SKAP2: variants seen among roughly 807,000 people sequenced by gnomAD.
SKAP2 encodes the protein src kinase-associated phosphoprotein 2.
SKAP2 carries 28 observed loss-of-function variants against 54.9 expected under a neutral mutation model. That is an observed-to-expected ratio of 0.51 (90% CI 0.38 to 0.70). The LOEUF (loss-of-function observed/expected upper bound fraction) is 0.70. SKAP2 is among the 30% of genes least tolerant of loss of function. The pLI is 0.00. For missense variants in SKAP2, 356 were observed against 424.1 expected, an observed-to-expected ratio of 0.84 and a Z score of 1.41; for synonymous variants, 137 against 134.3, an observed-to-expected ratio of 1.02 and a Z score of -0.14.
At chr7:26,805,498 G>A (rs962222322) in intron 4 of SKAP2, among the ~76,000 whole-genome samples, 5 of 152,118 alleles carry the variant, frequency 3.3e-5, no homozygotes, top group African/African-American at 4.8e-5. Context: ...TCTGAGACTA[G>A]GTCATAAAAA....
At chr7:26,855,727 C>T (rs979720785) in intron 1 of SKAP2, among the ~76,000 whole-genome samples, 7 of 151,888 alleles carry the variant, frequency 4.6e-5, no homozygotes, top group African/African-American at 1.5e-4. Flanking sequence ...TCCAACAAGT[C>T]CTTACAGGTT....
chr7:26,800,521 A>C (rs970080129), intron 4 of SKAP2, among the ~76,000 whole-genome samples: 1 of 143,598 alleles, frequency 7.0e-6, no homozygotes, highest in Non-Finnish European at 1.6e-5. Context: ...AGCAGAAATA[A>C]ATGAAATTGA....
intron 4 of SKAP2, among the ~76,000 whole-genome samples, chr7:26,744,739 TACAC>T (rs35916384): frequency 6.6e-6 from 1 of 150,388 alleles, no homozygotes; most frequent in African/African-American, 2.4e-5. Flanking sequence ...ATGTTACACA[TACAC>T]ACACACACAC....
chr7:26,832,598 G>A (rs936091775), intron 4 of SKAP2, among the ~76,000 whole-genome samples: 4 of 152,078 alleles, frequency 2.6e-5, no homozygotes. Context: ...AGGATCACTT[G>A]AGCCTAGGAG....
At chr7:26,721,327 T>C (rs1584351303) in intron 9 of SKAP2, among the ~76,000 whole-genome samples, 1 of 152,198 alleles carries the variant, frequency 6.6e-6, no homozygotes, top group African/African-American at 2.4e-5. Flanking sequence ...TGTGTCCATT[T>C]GCTGTAAACT....
intron 9 of SKAP2, among the ~76,000 whole-genome samples, chr7:26,698,094 A>C (rs17154371): frequency 0.016 from 2,493 of 152,302 alleles, 69 homozygotes; most frequent in African/African-American, 0.057. Flanking sequence ...TGCCTACTAT[A>C]ACCTCTGGAA....
At chr7:26,748,645 A>G (rs367577866) in intron 4 of SKAP2, among the ~76,000 whole-genome samples, 17 of 152,190 alleles carry the variant, frequency 1.1e-4, no homozygotes, top group Admixed American at 2.6e-4. Context: ...TAAAAAGTCT[A>G]TAATACATAC....
Position 26,805,742 on chromosome 7 carries a change from G to C in SKAP2, c.307+38288C>G, listed in dbSNP as rs143686368. On this transcript the variant is annotated intron_variant, in intron 4 of 12. Transcript: ENST00000345317. ...CAATTTCATGAATAGTTCTAAGCCAGAGACTGCTAAGCCATTCCCCAATGC... is the reference window on the plus strand; with the variant it reads ...CAATTTCATGAATAGTTCTAAGCCACAGACTGCTAAGCCATTCCCCAATGC... 5.1e-3 allele frequency among the ~76,000 whole-genome samples: 774 copies of C among 152,326 alleles called. 6 individuals carry two copies. Among genetic ancestry groups the C allele is most frequent in the African/African-American group, 0.018 (732 of 41,580 alleles).
At chr7:26,778,115 T>C (rs1290522205) in intron 4 of SKAP2, among the ~76,000 whole-genome samples, 1 of 133,680 alleles carries the variant, frequency 7.5e-6, no homozygotes, top group African/African-American at 2.8e-5. Context: ...CTATAAGAAT[T>C]GTAATGACAA....
chr7:26,815,946 T>C (rs1016058077), intron 4 of SKAP2, among the ~76,000 whole-genome samples: 2 of 152,124 alleles, frequency 1.3e-5, no homozygotes, highest in African/African-American at 2.4e-5. Context: ...ATAGCTCCAT[T>C]ACTTAAAAAT....
At chr7:26,834,437 T>C (rs184684886) in intron 4 of SKAP2, among the ~76,000 whole-genome samples, 15 of 152,118 alleles carry the variant, frequency 9.9e-5, no homozygotes, top group Admixed American at 3.3e-4. Flanking sequence ...AGAAAATAGA[T>C]AGACCACTAA....
In SKAP2 at chr7:26,713,732, TG is replaced by T. The variant is rs370849718; in HGVS notation, c.796+11695del. ...CTCCTGCCTCAGCCTCCCGAGTAGC[TG>T]GGACTACAGGTGCCCGCCACCACGC... On this transcript the variant is annotated intron_variant, in intron 9 of 12. Coordinates refer to ENST00000345317, the MANE Select transcript of SKAP2 (RefSeq NM_003930.5). Among the ~76,000 whole-genome samples the T allele has an allele frequency of 4.7e-3, 715 of 152,100 alleles. 2 individuals are homozygous for T. The highest frequency in any genetic ancestry group is 8.3e-3 in the Non-Finnish European group (563 of 67,960).
At chr7:26,683,996 C>T (rs910270341) in intron 11 of SKAP2, among the ~76,000 whole-genome samples, 4 of 151,930 alleles carry the variant, frequency 2.6e-5, no homozygotes, top group African/African-American at 7.3e-5. Context: ...CCCCATATTA[C>T]GATAGGGGAA....
chr7:26,818,304 C>A (rs1349279341), intron 4 of SKAP2, among the ~76,000 whole-genome samples: 1 of 152,286 alleles, frequency 6.6e-6, no homozygotes, highest in South Asian at 2.1e-4. Context: ...ACCATCTGAT[C>A]TTTGACAAAC....
chr7:26,735,422 TAATA>T (rs2127959649), intron 6 of SKAP2, among the ~76,000 whole-genome samples: 1 of 152,302 alleles, frequency 6.6e-6, no homozygotes, highest in African/African-American at 2.4e-5. Context: ...TGGCTATAAA[TAATA>T]AATACAGACA....
rs778142041 is a variant in SKAP2 at position 26,739,984 on chromosome 7, GA to G, written c.308-21del. On this transcript the variant is annotated intron_variant, in intron 4 of 12. Transcript: ENST00000345317. ...GGGCTCCTATGAGAAGTTGGGGAGA[GA>G]AAAAAAAAAGCAGTGGGTAATCCAT... The G allele has an allele frequency of 4.6e-3, 6,037 of 1,308,384 alleles. No individual in the cohort carries two copies. Among genetic ancestry groups the G allele is most frequent in the Admixed American group, 7.0e-3 (296 of 42,000 alleles). 81.0% of individuals were successfully genotyped at this position (1,308,384 alleles called of 1,614,324 possible).
intron 9 of SKAP2, among the ~76,000 whole-genome samples, chr7:26,715,646 G>A (rs1036285624): frequency 2.0e-5 from 3 of 152,062 alleles, no homozygotes; most frequent in Non-Finnish European, 4.4e-5. Context: ...AGGCATGGTG[G>A]TGCACACCTA....
At position 26,864,589 on chromosome 7, in the gene SKAP2, T is replaced by C; in HGVS notation, c.-160A>G. ...CGGGCCGGGGCTCACAACAAGGAAG[T>C]CACTGAATCTCCAGCGAGCTGCAGC... On this transcript the variant is annotated 5_prime_UTR_variant, in exon 1 of 13. Transcript: ENST00000345317. 7.1e-7 allele frequency: 1 copy of C among 1,401,640 alleles called. No individual in the cohort carries two copies. The allele number at this position is 1,401,640 out of a possible 1,614,324, so 86.8% of individuals were successfully genotyped here.
intron 4 of SKAP2, among the ~76,000 whole-genome samples, chr7:26,761,290 CCTTA>C (rs528010823): frequency 7.0e-4 from 106 of 152,168 alleles, no homozygotes; most frequent in Non-Finnish European, 1.3e-3. Context: ...ATAATTTTAA[CCTTA>C]TTTAGGAATA....
Sources: allele counts gnomAD v4.1 joint callset (sites outside exome capture counted in the v4.1 genomes callset), GRCh38; gene constraint gnomAD v4.1.1; transcripts MANE v1.5; gene names NCBI Gene and HGNC (gene_info 2026-07-23, HGNC 2026-07-21).